The following DNAH17 variants were observed in gnomAD, a reference collection of about 807,000 sequenced individuals.
The protein encoded by DNAH17 is axonemal beta dynein heavy chain 17.
DNAH17 carries 376 observed loss-of-function variants against 485.6 expected under a neutral mutation model. The observed-to-expected ratio is 0.77, with a 90% CI of 0.71 to 0.84. The LOEUF (loss-of-function observed/expected upper bound fraction) is 0.84. Ranked by LOEUF, DNAH17 falls within the 40% of genes least tolerant of loss-of-function variation. The pLI is 0.00. For synonymous variants in DNAH17, 3,031 were observed against 2,405.9 expected (o/e 1.26, Z -7.60); for missense variants, 6,370 against 5,839.3 (o/e 1.09, Z -2.96).
intron 18 of DNAH17, among the ~76,000 whole-genome samples, chr17:78,538,634 TAGG>T (rs2091441543): frequency 1.3e-5 from 2 of 152,188 alleles, no homozygotes; most frequent in African/African-American, 4.8e-5. Flanking sequence ...ACTCACAAAG[TAGG>T]AGGACTCCCT....
intron 48 of DNAH17, among the ~76,000 whole-genome samples, chr17:78,482,503 A>G (rs925442633): frequency 6.6e-6 from 1 of 152,090 alleles, no homozygotes; most frequent in Non-Finnish European, 1.5e-5. Context: ...TCACTGAGCA[A>G]AATTCCTTAA....
intron 26 of DNAH17, among the ~76,000 whole-genome samples, chr17:78,512,473 T>C (rs8081752): frequency 0.16 from 24,503 of 152,108 alleles, 2,176 homozygotes; most frequent in East Asian, 0.28. Flanking sequence ...ATTATGGAGG[T>C]TGGCAGAATT....
Position 78,494,112 on chromosome 17 carries a change from A to AC in DNAH17, c.6331dup (p.Val2111GlyfsTer86). 1 of 1,612,674 alleles carries AC rather than the reference A, an allele frequency of 6.2e-7. No homozygotes were observed. Among genetic ancestry groups the AC allele is most frequent in the Non-Finnish European group, 8.5e-7 (1 of 1,179,822 alleles). ...CTGCAGCAGCTCCTCCAGCTGCACCACCTTCAGCACGAAGCTGTCCTCCGC... is the reference window on the plus strand; with the variant it reads ...CTGCAGCAGCTCCTCCAGCTGCACCACCCTTCAGCACGAAGCTGTCCTCCGC... On this transcript the variant is annotated frameshift_variant, in exon 41 of 81. Transcript: ENST00000389840. LOFTEE classifies it high-confidence loss of function.
intron 58 of DNAH17, 143 bp from the exon 59 acceptor site, chr17:78,460,400 G>C (rs1001757730): frequency 1.5e-6 from 1 of 669,926 alleles, no homozygotes; most frequent in Non-Finnish European, 2.5e-6. Context: ...ATGTGCATGA[G>C]TGTATGTGTG....
intron 66 of DNAH17, among the ~76,000 whole-genome samples, 151 bp from the exon 67 acceptor site, chr17:78,450,997 C>T (rs1250629233): frequency 6.6e-6 from 1 of 152,204 alleles, no homozygotes; most frequent in Non-Finnish European, 1.5e-5. Flanking sequence ...AGAAGCAGAG[C>T]CCCTGGAACC....
chr17:78,557,636 CAAAAAAAAA>C (rs34251460), intron 14 of DNAH17, among the ~76,000 whole-genome samples: 15 of 29,034 alleles, frequency 5.2e-4, no homozygotes, highest in African/African-American at 7.6e-4. Context: ...GAGACTGTCT[CAAAAAAAAA>C]AAAAAAAAAA....
Position 78,439,110 on chromosome 17 carries a change from C to A in DNAH17, c.11785G>T (p.Gly3929Ter). The change falls in exon 73 of 81, where the codon GGA becomes TGA. Residue 3929 changes from glycine to a stop codon, truncating the protein, a stop_gained. Coordinates refer to ENST00000389840, the MANE Select transcript of DNAH17 (RefSeq NM_173628.4). LOFTEE classifies it high-confidence loss of function. ...CGTACCTGCAGAATGACCCAGTGTCCTTTCTCTGCAGCCACGTCCAGGGCG... is the reference window on the plus strand; with the variant it reads ...CGTACCTGCAGAATGACCCAGTGTCATTTCTCTGCAGCCACGTCCAGGGCG... ...ENALDVAAEKGHWVILQNIHL... is the reference protein window; with the variant it reads ...ENALDVAAEK 1 of 1,613,476 alleles carries A rather than the reference C, an allele frequency of 6.2e-7. No individual in the cohort carries two copies. The highest frequency in any genetic ancestry group is 8.5e-7 in the Non-Finnish European group (1 of 1,179,792).
intron 18 of DNAH17, among the ~76,000 whole-genome samples, chr17:78,538,769 G>A (rs1188308575): frequency 1.3e-5 from 2 of 152,142 alleles, no homozygotes. Flanking sequence ...GTCTGTGACT[G>A]GTTACCAGCT....
In DNAH17 at chr17:78,492,639, T is replaced by C; in HGVS notation, c.6535A>G (p.Lys2179Glu). ...GIINPVTREW[K>E]DGLFSTIMRD... Reference sequence around the variant, plus strand: ...CCGGGACCACCCTCGTTACCATCTTTCCATTCCCTGGTCACTGGGTTGATG... The same window carrying C: ...CCGGGACCACCCTCGTTACCATCTTCCCATTCCCTGGTCACTGGGTTGATG... Residue 2179 changes from lysine to glutamate, a missense_variant, in exon 42 of 81, where the codon AAA (lysine) becomes GAA (glutamate). By Grantham distance (56) the Lys-to-Glu change is moderately conservative. Coordinates refer to ENST00000389840, the MANE Select transcript of DNAH17 (RefSeq NM_173628.4). 1 of 1,613,706 alleles carries C rather than the reference T, an allele frequency of 6.2e-7. No homozygotes were observed. Among genetic ancestry groups the C allele is most frequent in the Non-Finnish European group, 8.5e-7 (1 of 1,179,796 alleles).
At chr17:78,457,876 C>A (rs951617478) in intron 62 of DNAH17, among the ~76,000 whole-genome samples, 26 of 152,170 alleles carry the variant, frequency 1.7e-4, no homozygotes, top group South Asian at 2.1e-4. Flanking sequence ...GGCCAGGCTG[C>A]TCTCGAACCC....
intron 13 of DNAH17, among the ~76,000 whole-genome samples, chr17:78,560,146 A>G (rs977176359): frequency 3.4e-5 from 5 of 148,898 alleles, no homozygotes; most frequent in Admixed American, 2.7e-4. Flanking sequence ...GGAGGGCAGG[A>G]CAGACAGCTC....
chr17:78,548,436 C>T (rs953403547), intron 16 of DNAH17, among the ~76,000 whole-genome samples: 2 of 152,056 alleles, frequency 1.3e-5, no homozygotes, highest in Non-Finnish European at 2.9e-5. Context: ...GATCTCCTGA[C>T]CTCGTGATCC....
intron 13 of DNAH17, among the ~76,000 whole-genome samples, chr17:78,558,619 T>C (rs2092083527): frequency 6.6e-6 from 1 of 152,192 alleles, no homozygotes; most frequent in Admixed American, 6.5e-5. Context: ...GATGTCATCA[T>C]TGTAGGTGGA....
At position 78,507,537 on chromosome 17, in the gene DNAH17, A is replaced by AT; in HGVS notation, c.4504dup (p.Ile1502AsnfsTer20). The AT allele has an allele frequency of 6.2e-7, 1 of 1,614,000 alleles. No homozygotes were observed. Among genetic ancestry groups the AT allele is most frequent in the Non-Finnish European group, 8.5e-7 (1 of 1,179,892 alleles). On this transcript the variant is annotated frameshift_variant, in exon 28 of 81. Transcript: ENST00000389840. LOFTEE classifies it high-confidence loss of function. The stretch of plus-strand genomic sequence containing the variant: ...GCGGATGTCTTCGGAGCCGATGAAG[A>AT]TGCTCTCCAGGTGGCTCCAGGTTCG...
chr17:78,438,429 A>AGGAGGAGGAGGAGGAGGGAGGAGGAGGAG (rs2086929299), intron 73 of DNAH17, among the ~76,000 whole-genome samples: 2 of 4,972 alleles, frequency 4.0e-4, no homozygotes, highest in Admixed American at 6.6e-3. Flanking sequence ...GAGGAGAAGG[A>AGGAGGAGGAGGAGGAGGGAGGAGGAGGAG]GGAGGAGGAG....
At chr17:78,460,063 G>T in intron 59 of DNAH17, 62 bp from the exon 60 acceptor site, 2 of 1,595,940 alleles carry the variant, frequency 1.3e-6, no homozygotes, top group South Asian at 1.1e-5. Flanking sequence ...GTGATGCCCC[G>T]AAGAAGCCGC....
chr17:78,472,702 G>A (rs765618725), intron 54 of DNAH17: 7 of 454,796 alleles, frequency 1.5e-5, no homozygotes, highest in South Asian at 1.1e-4. Flanking sequence ...AGTCCCCGAG[G>A]TCACGCACGC....
At chr17:78,555,148 G>A (rs2091992226) in intron 14 of DNAH17, among the ~76,000 whole-genome samples, 1 of 152,190 alleles carries the variant, frequency 6.6e-6, no homozygotes, top group South Asian at 2.1e-4. Flanking sequence ...TAGAGTATAA[G>A]AGCTGTTACC....
At position 78,575,166 on chromosome 17, in the gene DNAH17, T is replaced by C. The variant is rs1046622899; in HGVS notation, c.-25-84A>G. 9 of 922,452 alleles carry C rather than the reference T, an allele frequency of 9.8e-6. 1 individual carries two copies. In the South Asian group the frequency reaches 1.4e-4, roughly 14 times the overall value. 57.1% of individuals were successfully genotyped at this position (922,452 alleles called of 1,614,324 possible). A position where few individuals can be genotyped will look rare whatever the true frequency, so the allele number is the denominator to read the frequency against. Reference sequence around the variant, plus strand: ...CATCCCTGGCACCGCAGGAAATCTCTGTTTCTACCGGAGCAGGAACAAAAC... The same window carrying C: ...CATCCCTGGCACCGCAGGAAATCTCCGTTTCTACCGGAGCAGGAACAAAAC... On this transcript the variant is annotated intron_variant, in intron 1 of 80. Coordinates refer to ENST00000389840, the MANE Select transcript of DNAH17 (RefSeq NM_173628.4).
Sources: allele counts gnomAD v4.1 joint callset (sites outside exome capture counted in the v4.1 genomes callset), GRCh38; gene constraint gnomAD v4.1.1; transcripts MANE v1.5; gene names NCBI Gene and HGNC (gene_info 2026-07-23, HGNC 2026-07-21).